NEMP2: variants seen among roughly 807,000 people sequenced by gnomAD.
NEMP2 encodes the protein nuclear envelope integral membrane protein 2.
In NEMP2, 53 loss-of-function variants were observed where a neutral mutation model predicts 54.2. That is an observed-to-expected ratio of 0.98 (90% confidence interval 0.78 to 1.23). The LOEUF (loss-of-function observed/expected upper bound fraction) is 1.23. Among genes scored for constraint, NEMP2 ranks in the 50% most tolerant of loss-of-function variants. The pLI, the probability that NEMP2 is intolerant of heterozygous loss-of-function variation, is 0.00. For missense variants in NEMP2, 455 were observed against 511.3 expected (o/e 0.89, Z 1.06); for synonymous variants, 197 against 190.3 (o/e 1.04, Z -0.29).
At chr2:190,579,139 G>T in the NEMP2 span, among the ~76,000 whole-genome samples, 1 of 152,050 alleles carries the variant, frequency 6.6e-6, no homozygotes, top group Non-Finnish European at 1.5e-5. Flanking sequence ...GTGTGTGTGT[G>T]TCCTTTTTGA....
At chr2:190,471,650 A>G in the NEMP2 span, among the ~76,000 whole-genome samples, 1 of 152,344 alleles carries the variant, frequency 6.6e-6, no homozygotes, top group South Asian at 2.1e-4. This position sits in a 1 kb window ranked among gnomAD's most constrained non-coding sequence, Gnocchi z 4.7. Flanking sequence ...CTGCCTCAGT[A>G]AACTCCACCT....
upstream of NEMP2, among the ~76,000 whole-genome samples, chr2:190,538,561 T>G (rs572612281): frequency 3.9e-5 from 6 of 152,286 alleles, no homozygotes; most frequent in East Asian, 1.2e-3. This position sits in a 1 kb window ranked among gnomAD's most constrained non-coding sequence, Gnocchi z 4.1. Context: ...ATAGAGGCTG[T>G]GCTAATTTAC....
the NEMP2 span, among the ~76,000 whole-genome samples, chr2:190,478,307 G>A: frequency 6.6e-6 from 1 of 152,140 alleles, no homozygotes; most frequent in African/African-American, 2.4e-5. Context: ...TTTCCACAGA[G>A]CTCTTTGTTT....
At chr2:190,563,167 A>C in the NEMP2 span, among the ~76,000 whole-genome samples, 1 of 152,154 alleles carries the variant, frequency 6.6e-6, no homozygotes, top group African/African-American at 2.4e-5. This position sits in a 1 kb window ranked among gnomAD's most constrained non-coding sequence, Gnocchi z 4.3. Flanking sequence ...TGAGACATTC[A>C]CATATGCAAG....
chr2:190,530,189 T>A lies in NEMP2; in HGVS notation c.97+4370A>T, dbSNP rs1691094183. Among the ~76,000 whole-genome samples, 1 of 152,206 alleles carries A rather than the reference T, an allele frequency of 6.6e-6. No individual in the cohort carries two copies. The highest frequency in any genetic ancestry group is 6.5e-5 in the Admixed American group (1 of 15,288). Reference sequence around the variant, plus strand: ...GGACAGCATAGAAGGAAGGAGGTTGTCCTGACTGTTCATGCCTATAGACAC... The same window carrying A: ...GGACAGCATAGAAGGAAGGAGGTTGACCTGACTGTTCATGCCTATAGACAC... On this transcript the variant is annotated intron_variant, in intron 1 of 8. Transcript: ENST00000409150. The surrounding 1 kb of genome is among the most constrained non-coding windows in gnomAD (Gnocchi z 4.6).
the NEMP2 span, among the ~76,000 whole-genome samples, chr2:190,566,399 A>T: frequency 6.6e-6 from 1 of 152,016 alleles, no homozygotes; most frequent in Admixed American, 6.6e-5. Flanking sequence ...TGGGAGGATC[A>T]CTTGAGCCCA....
rs1421905058 is a variant in NEMP2, at chr2:190,529,076, C to G, written c.98-3698G>C. On this transcript the variant is annotated intron_variant, in intron 1 of 8. Transcript: ENST00000409150. This position sits in a 1 kb window ranked among gnomAD's most constrained non-coding sequence, Gnocchi z 4.7. ...CATGAATTGGGCCCGGGTACAATGG[C>G]TCATGCCTGTAATTTCGCTTGAACC... Among the ~76,000 whole-genome samples, 1 of 152,140 alleles carries G rather than the reference C, an allele frequency of 6.6e-6. No homozygotes were observed. Among genetic ancestry groups the G allele is most frequent in the Non-Finnish European group, 1.5e-5 (1 of 68,020 alleles).
At chr2:190,445,929 A>T in the NEMP2 span, among the ~76,000 whole-genome samples, 1 of 152,250 alleles carries the variant, frequency 6.6e-6, no homozygotes, top group East Asian at 1.9e-4. Flanking sequence ...TTTGTTTTTT[A>T]TCGGGATAGG....
At chr2:190,629,898 A>G in the NEMP2 span, 1 of 152,372 alleles carries the variant, frequency 6.6e-6, no homozygotes, top group Admixed American at 6.5e-5. Flanking sequence ...GCATTTCTTC[A>G]AAGAACTGTA....
At chr2:190,476,528 G>T in the NEMP2 span, among the ~76,000 whole-genome samples, 68 of 152,236 alleles carry the variant, frequency 4.5e-4, no homozygotes, top group African/African-American at 1.6e-3. Flanking sequence ...CAATTAGAAT[G>T]GCAATCATTA....
At chr2:190,624,154 T>C in the NEMP2 span, among the ~76,000 whole-genome samples, 102 of 152,144 alleles carry the variant, frequency 6.7e-4, no homozygotes, top group African/African-American at 2.0e-3. Flanking sequence ...CAAATAGATA[T>C]TTCTCAAAAG....
the NEMP2 span, among the ~76,000 whole-genome samples, chr2:190,431,643 G>A: frequency 1.3e-5 from 2 of 152,208 alleles, no homozygotes; most frequent in African/African-American, 2.4e-5. The surrounding 1 kb of genome is among the most constrained non-coding windows in gnomAD (Gnocchi z 4.4). Flanking sequence ...GCAGTGAGCC[G>A]AGATGGCAGC....
chr2:190,499,864 A>AAG, downstream of NEMP2: 2 of 1,550,806 alleles, frequency 1.3e-6, no homozygotes, highest in Non-Finnish European at 1.7e-6. This position sits in a 1 kb window ranked among gnomAD's most constrained non-coding sequence, Gnocchi z 6.0. Flanking sequence ...AAGGTAAGAC[A>AAG]TTCTATCCTT....
the NEMP2 span, among the ~76,000 whole-genome samples, chr2:190,542,258 C>A: frequency 2.2e-4 from 34 of 152,310 alleles, no homozygotes; most frequent in African/African-American, 8.2e-4. This position sits in a 1 kb window ranked among gnomAD's most constrained non-coding sequence, Gnocchi z 4.6. Context: ...GTTGCCCAGG[C>A]TTGAGTGCAG....
the NEMP2 span, among the ~76,000 whole-genome samples, chr2:190,466,268 C>G: frequency 4.6e-5 from 7 of 152,306 alleles, no homozygotes; most frequent in East Asian, 1.3e-3. Context: ...AGCACATGAA[C>G]TGGGGGAACA....
At chr2:190,590,720 T>C in the NEMP2 span, among the ~76,000 whole-genome samples, 1 of 152,232 alleles carries the variant, frequency 6.6e-6, no homozygotes, top group Non-Finnish European at 1.5e-5. This position sits in a 1 kb window ranked among gnomAD's most constrained non-coding sequence, Gnocchi z 5.1. Context: ...ATGATGTTTT[T>C]ATTTTTCTCC....
the NEMP2 span, among the ~76,000 whole-genome samples, chr2:190,463,567 C>T: frequency 6.6e-6 from 1 of 152,176 alleles, no homozygotes; most frequent in Non-Finnish European, 1.5e-5. This position sits in a 1 kb window ranked among gnomAD's most constrained non-coding sequence, Gnocchi z 4.4. Context: ...TGCCTATAAT[C>T]CCAGCAACTT....
the NEMP2 span, among the ~76,000 whole-genome samples, chr2:190,455,768 T>G: frequency 2.0e-5 from 3 of 151,950 alleles, no homozygotes; most frequent in East Asian, 3.9e-4. Context: ...CCTTCCTTTT[T>G]TTTTTGTGAT....
chr2:190,639,889 C>G, the NEMP2 span, among the ~76,000 whole-genome samples: 7 of 152,244 alleles, frequency 4.6e-5, no homozygotes, highest in East Asian at 1.4e-3. Flanking sequence ...ACCTCATGAT[C>G]TGCCCACCTC....
Sources: allele counts gnomAD v4.1 joint callset (sites outside exome capture counted in the v4.1 genomes callset), GRCh38; gene constraint gnomAD v4.1.1; non-coding constraint Gnocchi (gnomAD v3.1); transcripts MANE v1.5; gene names NCBI Gene and HGNC (gene_info 2026-07-23, HGNC 2026-07-21).